Variants in GPR160 observed in about 807,000 individuals in gnomAD.
The protein encoded by GPR160 is probable G protein-coupled receptor 160.
In GPR160, 2 loss-of-function variants were observed where a neutral mutation model predicts 2.6. That is an observed-to-expected ratio of 0.77 (90% CI 0.32 to 2.44). The LOEUF is 2.44. Among genes scored for constraint, GPR160 ranks in the 30% most tolerant of loss-of-function variants. The pLI is 0.11. For missense variants in GPR160, 351 were observed against 383.6 expected (o/e 0.91, Z 0.71); for synonymous variants, 130 against 132.2 (o/e 0.98, Z 0.12).
rs528295183 is a variant in GPR160 at position 170,063,552 on chromosome 3, CAAAAAAAA to C, written c.-192-16207_-192-16200del. 4.8e-4 allele frequency among the ~76,000 whole-genome samples: 38 copies of C among 78,940 alleles called. No individual in the cohort carries two copies. The Admixed American group carries it at 5.1e-3, about 11-fold the overall frequency. The allele number at this position is 78,940 out of a possible 152,430, so 51.8% of individuals were successfully genotyped here. ...ATGTCTCAAAAACAAACAAAAAAAG[CAAAAAAAA>C]AAAAAAAAAAAAAACCTCAGCACAG... On this transcript the variant is annotated intron_variant, in intron 2 of 3. Transcript: ENST00000355897.
At chr3:170,054,874 A>G (rs959788625) in intron 2 of GPR160, among the ~76,000 whole-genome samples, 4 of 151,598 alleles carry the variant, frequency 2.6e-5, no homozygotes, top group African/African-American at 9.7e-5. Flanking sequence ...GCTCACTGCA[A>G]CCTCTGCCTC....
intron 2 of GPR160, among the ~76,000 whole-genome samples, chr3:170,070,909 A>G (rs1214617469): frequency 6.6e-6 from 1 of 152,172 alleles, no homozygotes; most frequent in East Asian, 1.9e-4. Flanking sequence ...AAGTTAAAAC[A>G]CTCATTTTTA....
chr3:170,044,324 CAAAA>C (rs57817027), intron 2 of GPR160, among the ~76,000 whole-genome samples: 1 of 89,260 alleles, frequency 1.1e-5, no homozygotes, highest in Non-Finnish European at 2.0e-5. Context: ...AACTCCATCT[CAAAA>C]AAAAAAAAAA....
At chr3:170,060,140 G>A (rs2108325643) in intron 2 of GPR160, among the ~76,000 whole-genome samples, 1 of 152,160 alleles carries the variant, frequency 6.6e-6, no homozygotes, top group East Asian at 1.9e-4. Flanking sequence ...GATGGCAAAA[G>A]ATACATATGG....
Position 170,038,467 on chromosome 3 carries a change from T to A in GPR160, c.-322+252T>A, listed in dbSNP as rs1436472863. On this transcript the variant is annotated intron_variant, in intron 1 of 3. Transcript: ENST00000355897. This position sits in a 1 kb window ranked among gnomAD's most constrained non-coding sequence, Gnocchi z 5.3. Reference sequence around the variant, plus strand: ...GGGATTACCGCGGAGCCTTAGCAACTGGGGTCTGTCGTGGGTTTGAGGGCA... The same window carrying A: ...GGGATTACCGCGGAGCCTTAGCAACAGGGGTCTGTCGTGGGTTTGAGGGCA... 1.3e-5 allele frequency: 2 copies of A among 152,362 alleles called. No individual in the cohort carries two copies. Among genetic ancestry groups the A allele is most frequent in the Non-Finnish European group, 2.9e-5 (2 of 68,230 alleles). 9.4% of individuals were successfully genotyped at this position (152,362 alleles called of 1,614,324 possible).
chr3:170,059,850 C>T (rs6774747), intron 2 of GPR160, among the ~76,000 whole-genome samples: 24 of 151,750 alleles, frequency 1.6e-4, no homozygotes, highest in Non-Finnish European at 1.3e-4. Flanking sequence ...CCACTCCCCC[C>T]TCTAGCAGGC....
intron 2 of GPR160, among the ~76,000 whole-genome samples, chr3:170,064,535 T>TTTTTTTC (rs1219393634): frequency 9.1e-4 from 116 of 127,976 alleles, no homozygotes; most frequent in Middle Eastern, 4.6e-3. Context: ...TTTTTTTTTT[T>TTTTTTTC]TGAGGCAGAG....
At chr3:170,045,766 G>A (rs2108310207) in intron 2 of GPR160, among the ~76,000 whole-genome samples, 1 of 152,254 alleles carries the variant, frequency 6.6e-6, no homozygotes, top group South Asian at 2.1e-4. Flanking sequence ...AAGGAAGAGT[G>A]GGTTAATTGG....
At chr3:170,051,055 C>T (rs1321502844) in intron 2 of GPR160, among the ~76,000 whole-genome samples, 3 of 152,144 alleles carry the variant, frequency 2.0e-5, no homozygotes, top group African/African-American at 4.8e-5. Context: ...TTTCCAAAAG[C>T]GGCTGTGCAA....
At chr3:170,075,116 T>G (rs1456233965) in intron 2 of GPR160, among the ~76,000 whole-genome samples, 2 of 152,116 alleles carry the variant, frequency 1.3e-5, no homozygotes, top group African/African-American at 4.8e-5. Flanking sequence ...TAATCCCTGC[T>G]ACTTAGCAGG....
intron 2 of GPR160, chr3:170,050,018 G>GA (rs1181851012): frequency 1.3e-5 from 2 of 151,586 alleles, no homozygotes; most frequent in Non-Finnish European, 1.5e-5. Context: ...CCAGGAACCT[G>GA]ATATTAAGTA....
intron 2 of GPR160, among the ~76,000 whole-genome samples, chr3:170,069,742 C>A (rs1350704103): frequency 1.3e-5 from 2 of 152,134 alleles, no homozygotes; most frequent in Non-Finnish European, 2.9e-5. Flanking sequence ...CAACCTATTT[C>A]ATCTGTAAAT....
chr3:170,062,978 C>T, intron 2 of GPR160: 1 of 248,518 alleles, frequency 4.0e-6, no homozygotes, highest in Non-Finnish European at 7.8e-6. Context: ...TGGTGGATCT[C>T]CGTGGATCTC....
At chr3:170,052,858 G>A (rs1228292775) in intron 2 of GPR160, among the ~76,000 whole-genome samples, 1 of 152,004 alleles carries the variant, frequency 6.6e-6, no homozygotes, top group African/African-American at 2.4e-5. Flanking sequence ...TTATAGCTAT[G>A]CTTGTGATCT....
intron 2 of GPR160, among the ~76,000 whole-genome samples, chr3:170,073,828 T>C (rs1712716074): frequency 6.6e-6 from 1 of 151,876 alleles, no homozygotes; most frequent in South Asian, 2.1e-4. Flanking sequence ...CATCTGAGCC[T>C]ATATTTTCTT....
chr3:170,078,254 G>A (rs986810346), intron 2 of GPR160, among the ~76,000 whole-genome samples: 4 of 152,032 alleles, frequency 2.6e-5, no homozygotes, highest in Admixed American at 1.3e-4. Context: ...TAACATTATG[G>A]GCCTTAGTTA....
chr3:170,064,099 T>G (rs2302864), intron 2 of GPR160, among the ~76,000 whole-genome samples: 68,048 of 151,510 alleles, frequency 0.45, 15,501 homozygotes, highest in East Asian at 0.69. Flanking sequence ...TGTATTTTTT[T>G]GGGGGGGGCA....
chr3:170,052,617 T>A (rs891555890), intron 2 of GPR160, among the ~76,000 whole-genome samples: 7 of 152,212 alleles, frequency 4.6e-5, no homozygotes, highest in Admixed American at 4.6e-4. Context: ...TTTATATATG[T>A]GGTCTGGTAG....
intron 2 of GPR160, among the ~76,000 whole-genome samples, chr3:170,056,809 G>A (rs1481077784): frequency 1.3e-5 from 2 of 152,144 alleles, no homozygotes; most frequent in East Asian, 3.8e-4. Context: ...CCTATTTTTG[G>A]CAGAAAAAGC....
Sources: allele counts gnomAD v4.1 joint callset (sites outside exome capture counted in the v4.1 genomes callset), GRCh38; gene constraint gnomAD v4.1.1; non-coding constraint Gnocchi (gnomAD v3.1); transcripts MANE v1.5; gene names NCBI Gene and HGNC (gene_info 2026-07-23, HGNC 2026-07-21).